Variants in SEPTIN8 observed in about 807,000 individuals in gnomAD.
The protein encoded by SEPTIN8 is septin 8.
Under a neutral mutation model 53.1 loss-of-function variants are expected in SEPTIN8, and 22 were observed. The ratio of observed to expected loss-of-function variants is 0.41; its 90% confidence interval spans 0.30 to 0.59. The LOEUF (loss-of-function observed/expected upper bound fraction) is 0.59, where lower values mean the gene tolerates loss of function less well. Ranked by LOEUF, SEPTIN8 falls within the 20% of genes least tolerant of loss-of-function variation. SEPTIN8 has a pLI of 0.24. For missense variants in SEPTIN8, 536 were observed against 638.7 expected (o/e 0.84, Z 1.73); for synonymous variants, 228 against 248.4 (o/e 0.92, Z 0.77).
chr5:132,760,732 G>A lies in SEPTIN8; in HGVS notation c.1286+70C>T, dbSNP rs1561745873. 1 of 1,438,508 alleles carries A rather than the reference G, an allele frequency of 7.0e-7. No homozygotes were observed. The highest frequency in any genetic ancestry group is 2.3e-5 in the East Asian group (1 of 44,036). The allele number at this position is 1,438,508 out of a possible 1,614,324, so 89.1% of individuals were successfully genotyped here. A position where few individuals can be genotyped will look rare whatever the true frequency, so the allele number is the denominator to read the frequency against. On this transcript the variant is annotated intron_variant, in intron 9 of 9. Coordinates refer to ENST00000378719, the MANE Select transcript of SEPTIN8 (RefSeq NM_001098811.2). The surrounding 1 kb of genome is among the most constrained non-coding windows in gnomAD (Gnocchi z 5.2). ...CGAGCAGGAGAGCGAGAAGGGAGGT[G>A]AGGGACAAGAACGAAAGCAAGAGCC...
intron 1 of SEPTIN8, among the ~76,000 whole-genome samples, chr5:132,768,021 A>G (rs1756800498): frequency 6.7e-6 from 1 of 148,674 alleles, no homozygotes; most frequent in Admixed American, 6.8e-5. Context: ...AGCAGAGGCC[A>G]TTCCATTCCT....
In SEPTIN8 at chr5:132,762,535, G is replaced by A. The variant is rs1756092002; in HGVS notation, c.645C>T (p.Tyr215=). The change falls in exon 5 of 10, where the codon TAC becomes TAT. Residue 215 remains tyrosine (Y), a synonymous_variant. Coordinates refer to ENST00000378719, the MANE Select transcript of SEPTIN8 (RefSeq NM_001098811.2). ...CAGCCTCATCATCCGTGGGGAACTGGTAGATCTGGACCCCGTTGCTGACCA... is the reference window on the plus strand; with the variant it reads ...CAGCCTCATCATCCGTGGGGAACTGATAGATCTGGACCCCGTTGCTGACCA... The part of the protein sequence containing the change: ...GELVSNGVQI[Y]QFPTDDEAVA... 1.2e-6 allele frequency: 2 copies of A among 1,614,252 alleles called. No individual in the cohort carries two copies. Among genetic ancestry groups the A allele is most frequent in the Non-Finnish European group, 1.7e-6 (2 of 1,180,022 alleles).
chr5:132,758,575 G>A (rs774927929), intron 9 of SEPTIN8: 67 of 1,611,076 alleles, frequency 4.2e-5, no homozygotes, highest in African/African-American at 1.2e-4. Context: ...AATAAACCTC[G>A]TCAGTTTTGG....
chr5:132,770,429 G>A (rs189897078), intron 1 of SEPTIN8, among the ~76,000 whole-genome samples: 4 of 151,922 alleles, frequency 2.6e-5, no homozygotes, highest in South Asian at 2.1e-4. Flanking sequence ...ATCCACCTGC[G>A]TTGGCCTCCC....
intron 1 of SEPTIN8, chr5:132,774,233 G>C (rs1378568850): frequency 6.0e-6 from 1 of 166,852 alleles, no homozygotes; most frequent in Admixed American, 6.5e-5. Context: ...AGCAGAGATG[G>C]GGGTAAGTGA....
intron 2 of SEPTIN8, among the ~76,000 whole-genome samples, 162 bp downstream of exon 2, chr5:132,765,247 C>T (rs2149981456): frequency 6.6e-6 from 1 of 152,238 alleles, no homozygotes; most frequent in East Asian, 1.9e-4. Context: ...CTAACTCTAT[C>T]CTTGACTCTG....
chr5:132,751,144 C>G lies in SEPTIN8; in HGVS notation c.*872G>C. The G allele has an allele frequency of 1.3e-6, 1 of 783,232 alleles. No homozygotes were observed. The highest frequency in any genetic ancestry group is 2.0e-6 in the Non-Finnish European group (1 of 512,280). 48.5% of individuals were successfully genotyped at this position (783,232 alleles called of 1,614,324 possible). A position where few individuals can be genotyped will look rare whatever the true frequency, so the allele number is the denominator to read the frequency against. ...GGTGACGCACAAGGCTCATGACATA[C>G]GGAAGAGTGAAAAGGTATCTTAAAT... On this transcript the variant is annotated 3_prime_UTR_variant, in exon 10 of 10. Coordinates refer to ENST00000378719, the MANE Select transcript of SEPTIN8 (RefSeq NM_001098811.2).
rs780039983 is a variant in SEPTIN8 at position 132,761,561 on chromosome 5, C to G, written c.859G>C (p.Asp287His). 9 of 1,614,030 alleles carry G rather than the reference C, an allele frequency of 5.6e-6. No homozygotes were observed. The Admixed American group carries it at 1.3e-4, about 24-fold the overall frequency. Residue 287 changes from aspartate (D) to histidine (H), a missense_variant, in exon 7 of 10, where the codon GAC becomes CAC. Asp to His is a moderately conservative substitution (Grantham distance 81). Around this residue, in one of 3 missense-constraint regions of SEPTIN8, gnomAD observed 395 missense variants for 451.8 expected, o/e 0.87. Coordinates refer to ENST00000378719, the MANE Select transcript of SEPTIN8 (RefSeq NM_001098811.2). This position sits in a 1 kb window ranked among gnomAD's most constrained non-coding sequence, Gnocchi z 5.8. ...REMLIRVNME[D>H]LREQTHSRHY... is the part of the protein sequence containing the mutation. ...CGGCTGTGGGTCTGCTCGCGGAGGT[C>G]TTCCATGTTCACCCGGATCAACATC... is the stretch of plus-strand genomic sequence containing the variant.
intron 9 of SEPTIN8, chr5:132,758,398 T>C (rs1755541964): frequency 6.6e-7 from 1 of 1,518,316 alleles, no homozygotes; most frequent in Non-Finnish European, 8.8e-7. Context: ...TTGCAGCATG[T>C]ATACCAGACC....
At chr5:132,757,645 ACCCTT>A in intron 9 of SEPTIN8, 1 of 985,088 alleles carries the variant, frequency 1.0e-6, no homozygotes, top group Non-Finnish European at 1.2e-6. Flanking sequence ...CATTAAAACT[ACCCTT>A]CCTTTCATTT....
At position 132,760,672 on chromosome 5, in the gene SEPTIN8, G is replaced by C; in HGVS notation, c.1286+130C>G. 5.9e-6 allele frequency: 5 copies of C among 850,744 alleles called. No individual in the cohort carries two copies. The South Asian group carries it at 8.4e-5, about 14-fold the overall frequency. The allele number at this position is 850,744 out of a possible 1,614,324, so 52.7% of individuals were successfully genotyped here. A position where few individuals can be genotyped will look rare whatever the true frequency, so the allele number is the denominator to read the frequency against. ...AGCTGGGGGGAGAGCCACTGAAGAT[G>C]AGGGAAAACCAAACAGGAAAGGGGT... On this transcript the variant is annotated intron_variant, in intron 9 of 9. Coordinates refer to ENST00000378719, the MANE Select transcript of SEPTIN8 (RefSeq NM_001098811.2). This position sits in a 1 kb window ranked among gnomAD's most constrained non-coding sequence, Gnocchi z 5.2.
chr5:132,768,508 C>T lies in SEPTIN8; in HGVS notation c.31-2979G>A, dbSNP rs578067594. Among the ~76,000 whole-genome samples, 10 of 152,310 alleles carry T rather than the reference C, an allele frequency of 6.6e-5. No individual in the cohort carries two copies. The Middle Eastern group carries it at 0.027, about 414-fold the overall frequency. ...CATTGCTCACTCCAGGGTGCCTGCT[C>T]CAGGCATCTCTACCAACCTGAGTGG... On this transcript the variant is annotated intron_variant, in intron 1 of 9. Coordinates refer to ENST00000378719, the MANE Select transcript of SEPTIN8 (RefSeq NM_001098811.2).
At position 132,763,983 on chromosome 5, in the gene SEPTIN8, C is replaced by A. The variant is rs1028106911; in HGVS notation, c.348-91G>T. The A allele has an allele frequency of 4.6e-6, 6 of 1,317,124 alleles. No homozygotes were observed. The African/African-American group carries it at 8.9e-5, about 19-fold the overall frequency. 81.6% of individuals were successfully genotyped at this position (1,317,124 alleles called of 1,614,324 possible). Reference sequence around the variant, plus strand: ...CAGGGCTCGGGGCCAAGCCAGGCTGCCCCCTGGCCTTTTCTTTCTGGGAAC... The same window carrying A: ...CAGGGCTCGGGGCCAAGCCAGGCTGACCCCTGGCCTTTTCTTTCTGGGAAC... On this transcript the variant is annotated intron_variant, in intron 3 of 9. Coordinates refer to ENST00000378719, the MANE Select transcript of SEPTIN8 (RefSeq NM_001098811.2).
chr5:132,752,858 T>A lies in SEPTIN8; in HGVS notation c.1287-677A>T, dbSNP rs1310044747. Reference sequence around the variant, plus strand: ...CTGCTTGAAGATGGCCACTCTATTCTAATACAGGTTGGTGATATGCAGTAC... The same window carrying A: ...CTGCTTGAAGATGGCCACTCTATTCAAATACAGGTTGGTGATATGCAGTAC... On this transcript the variant is annotated intron_variant, in intron 9 of 9. Transcript: ENST00000378719. 5 of 1,611,864 alleles carry A rather than the reference T, an allele frequency of 3.1e-6. No homozygotes were observed. In the Admixed American group the frequency reaches 8.3e-5, roughly 27 times the overall value.
chr5:132,761,528 C>T lies in SEPTIN8; in HGVS notation c.892G>A (p.Glu298Lys). The T allele has an allele frequency of 4.3e-6, 7 of 1,613,896 alleles. No homozygotes were observed. The highest frequency in any genetic ancestry group is 5.9e-6 in the Non-Finnish European group (7 of 1,180,004). ...LREQTHSRHY[E>K]LYRRCKLEEM... ...TCCAACTTGCAGCGCCGGTAGAGCT[C>T]GTAGTGCCGGCTGTGGGTCTGCTCG... is the stretch of plus-strand genomic sequence containing the variant. The change falls in exon 7 of 10, where the codon GAG (glutamate) becomes AAG (lysine). Residue 298 changes from glutamate to lysine, a missense_variant. Coordinates refer to ENST00000378719, the MANE Select transcript of SEPTIN8 (RefSeq NM_001098811.2). The surrounding 1 kb of genome is among the most constrained non-coding windows in gnomAD (Gnocchi z 5.8).
At position 132,761,444 on chromosome 5, in the gene SEPTIN8, G is replaced by C. The variant is rs1345285158; in HGVS notation, c.962+14C>G. ...CAGCTGTGAAGACAGGCTCACTCTG[G>C]CTCAGGCTGTCACCTGAAGGGCTGG... On this transcript the variant is annotated intron_variant, in intron 7 of 9. Transcript: ENST00000378719. This position sits in a 1 kb window ranked among gnomAD's most constrained non-coding sequence, Gnocchi z 5.8. 6.2e-7 allele frequency: 1 copy of C among 1,605,064 alleles called. No individual in the cohort carries two copies. The highest frequency in any genetic ancestry group is 8.5e-7 in the Non-Finnish European group (1 of 1,176,958).
intron 3 of SEPTIN8, 87 bp downstream of exon 3, chr5:132,764,137 G>T: frequency 1.5e-6 from 2 of 1,377,664 alleles, no homozygotes; most frequent in Non-Finnish European, 2.0e-6. Context: ...CTGGCCCCCT[G>T]CAGTGTGAGG....
chr5:132,775,735 G>C (rs1408675539), intron 1 of SEPTIN8: 1 of 152,202 alleles, frequency 6.6e-6, no homozygotes, highest in African/African-American at 2.4e-5. Flanking sequence ...AGGCACTCAC[G>C]GGTCTCTTGG....
chr5:132,758,664 C>A, intron 9 of SEPTIN8: 2 of 1,591,452 alleles, frequency 1.3e-6, no homozygotes, highest in South Asian at 2.3e-5. Flanking sequence ...GGGCCAGGGT[C>A]GGTGGGAGGA....
Sources: allele counts gnomAD v4.1 joint callset (sites outside exome capture counted in the v4.1 genomes callset), GRCh38; gene constraint gnomAD v4.1.1; regional missense constraint gnomAD v4.1.1; non-coding constraint Gnocchi (gnomAD v3.1); transcripts MANE v1.5; gene names NCBI Gene and HGNC (gene_info 2026-07-23, HGNC 2026-07-21).